MEGF11: variants seen among roughly 807,000 people sequenced by gnomAD.
The protein encoded by MEGF11 is multiple EGF like domains 11.
A neutral mutation model predicts 146.6 loss-of-function variants in MEGF11; 126 were observed. The observed-to-expected ratio is 0.86, with a 90% CI of 0.74 to 1.00. The LOEUF is 1.00. Ranked by LOEUF, MEGF11 falls within the 50% of genes least tolerant of loss-of-function variation. The probability of loss-of-function intolerance (pLI) is 0.00; values close to 1 mark genes in which losing one functional copy is unlikely to be tolerated. For synonymous variants in MEGF11, 532 were observed against 583.4 expected (o/e 0.91, Z 1.27); for missense variants, 1,509 against 1,521.2 (o/e 0.99, Z 0.13).
intron 1 of MEGF11, among the ~76,000 whole-genome samples, chr15:66,178,293 A>G (rs139297611): frequency 2.4e-3 from 369 of 152,132 alleles, no homozygotes; most frequent in African/African-American, 8.7e-3. Context: ...GCTCTTCACT[A>G]CCCTTTTGAG....
At chr15:65,945,347 G>C (rs1312890061) in intron 10 of MEGF11, among the ~76,000 whole-genome samples, 1 of 152,168 alleles carries the variant, frequency 6.6e-6, no homozygotes, top group Non-Finnish European at 1.5e-5. Flanking sequence ...AAGTTTGATG[G>C]GAGCTCAGGG....
At chr15:66,094,340 C>A (rs759869520) in intron 5 of MEGF11, 62 bp downstream of exon 5, 7 of 1,420,772 alleles carry the variant, frequency 4.9e-6, no homozygotes, top group Non-Finnish European at 6.8e-6. Context: ...GCACACACCA[C>A]AACCCACTCC....
At chr15:66,229,333 C>T (rs1003218635) in intron 1 of MEGF11, among the ~76,000 whole-genome samples, 47 of 152,040 alleles carry the variant, frequency 3.1e-4, no homozygotes, top group African/African-American at 1.0e-3. Context: ...CCCAGGCTCC[C>T]GGTGGGCCAT....
At chr15:65,981,040 C>A in intron 6 of MEGF11, 142 bp from the exon 7 acceptor site, 1 of 1,123,958 alleles carries the variant, frequency 8.9e-7, no homozygotes, top group Non-Finnish European at 1.2e-6. Context: ...CAGTCCTGCT[C>A]CCTGCCAGGA....
At chr15:66,219,044 C>T (rs1005381415) in intron 1 of MEGF11, among the ~76,000 whole-genome samples, 1 of 134,654 alleles carries the variant, frequency 7.4e-6, no homozygotes, top group Non-Finnish European at 1.5e-5. Context: ...GAGACATAGA[C>T]ATGTCTATAG....
At chr15:66,147,283 C>T (rs2089409766) in intron 1 of MEGF11, among the ~76,000 whole-genome samples, 2 of 152,316 alleles carry the variant, frequency 1.3e-5, no homozygotes, top group South Asian at 4.1e-4. Context: ...CATGGTTGCG[C>T]AGCCCAGGGC....
chr15:65,960,779 G>T (rs12592034), intron 9 of MEGF11, among the ~76,000 whole-genome samples: 37,293 of 152,050 alleles, frequency 0.25, 5,293 homozygotes, highest in East Asian at 0.6. Flanking sequence ...GGCACCACCT[G>T]GTGAAAAGCA....
At chr15:66,143,182 C>T (rs1366694870) in intron 1 of MEGF11, among the ~76,000 whole-genome samples, 2 of 152,154 alleles carry the variant, frequency 1.3e-5, no homozygotes, top group Admixed American at 6.5e-5. Context: ...CCTGCATTTG[C>T]GAGAGGGAAC....
At chr15:66,221,860 A>G (rs1438858033) in intron 1 of MEGF11, among the ~76,000 whole-genome samples, 1 of 151,724 alleles carries the variant, frequency 6.6e-6, no homozygotes, top group African/African-American at 2.4e-5. Context: ...CAAGTCTTCA[A>G]TCCCATTACA....
chr15:66,029,418 A>G (rs1383110265), intron 5 of MEGF11, among the ~76,000 whole-genome samples: 2 of 152,142 alleles, frequency 1.3e-5, no homozygotes, highest in East Asian at 3.9e-4. Flanking sequence ...GGCTTTGGAA[A>G]CTATACATCC....
intron 4 of MEGF11, among the ~76,000 whole-genome samples, chr15:66,096,899 A>G (rs962694672): frequency 6.6e-6 from 1 of 152,094 alleles, no homozygotes; most frequent in Non-Finnish European, 1.5e-5. Context: ...AGCCCCAGAG[A>G]CCAGCAGGAC....
intron 5 of MEGF11, among the ~76,000 whole-genome samples, chr15:66,072,516 T>C (rs991294124): frequency 2.4e-4 from 36 of 152,246 alleles, no homozygotes; most frequent in African/African-American, 7.7e-4. Flanking sequence ...ATGCACCTTC[T>C]CTGTCCTGTT....
At chr15:65,965,158 G>C (rs1036809350) in intron 8 of MEGF11, 38 bp from the exon 9 acceptor site, 19 of 1,500,908 alleles carry the variant, frequency 1.3e-5, no homozygotes, top group Non-Finnish European at 1.6e-5. Context: ...CTGTGGGCCA[G>C]GATCCCTCAC....
In MEGF11 at chr15:66,023,226, G is replaced by A. The variant is rs76107351; in HGVS notation, c.395-40738C>T. Among the ~76,000 whole-genome samples the A allele has an allele frequency of 2.0e-4, 31 of 151,606 alleles. 1 individual carries two copies. In the East Asian group the frequency reaches 5.0e-3, roughly 25 times the overall value. On this transcript the variant is annotated intron_variant, in intron 5 of 25. Transcript: ENST00000395614. Reference sequence around the variant, plus strand: ...CAGATGGAGATTCCACTCTTTCACCGTCCTCTGGAGAGAGGCCAGTAGCAG... The same window carrying A: ...CAGATGGAGATTCCACTCTTTCACCATCCTCTGGAGAGAGGCCAGTAGCAG...
At chr15:65,971,022 C>A in intron 7 of MEGF11, 1 of 340,766 alleles carries the variant, frequency 2.9e-6, no homozygotes, top group South Asian at 3.6e-5. Context: ...AGTAAGTACT[C>A]TCACATGGGT....
intron 1 of MEGF11, among the ~76,000 whole-genome samples, chr15:66,169,581 T>G (rs566669595): frequency 6.6e-6 from 1 of 152,388 alleles, no homozygotes; most frequent in South Asian, 2.1e-4. Flanking sequence ...TAGTAATAGC[T>G]AAAGTAAATT....
chr15:66,088,965 A>C (rs1398203058), intron 5 of MEGF11, among the ~76,000 whole-genome samples: 1 of 152,246 alleles, frequency 6.6e-6, no homozygotes, highest in South Asian at 2.1e-4. Flanking sequence ...CAAATTGCAC[A>C]TTTAAAAATG....
intron 5 of MEGF11, among the ~76,000 whole-genome samples, chr15:66,008,441 A>G (rs9672562): frequency 0.018 from 2,667 of 149,102 alleles, 83 homozygotes; most frequent in African/African-American, 0.061. Flanking sequence ...ACACACACAC[A>G]CACACACACA....
intron 20 of MEGF11, among the ~76,000 whole-genome samples, chr15:65,912,692 G>A (rs2078854146): frequency 6.6e-6 from 1 of 152,178 alleles, no homozygotes; most frequent in Non-Finnish European, 1.5e-5. Flanking sequence ...TCTCAGTATA[G>A]TCATAGAAGA....
Sources: allele counts gnomAD v4.1 joint callset (sites outside exome capture counted in the v4.1 genomes callset), GRCh38; gene constraint gnomAD v4.1.1; transcripts MANE v1.5; gene names NCBI Gene and HGNC (gene_info 2026-07-23, HGNC 2026-07-21).